Variants in TMTC1 observed in about 807,000 individuals in gnomAD.
TMTC1 encodes the protein protein O-mannosyl-transferase TMTC1.
In TMTC1, 73 loss-of-function variants were observed where a neutral mutation model predicts 104.8. The ratio of observed to expected loss-of-function variants is 0.70; its 90% CI spans 0.58 to 0.85. The LOEUF (loss-of-function observed/expected upper bound fraction) is 0.85, where lower values mean the gene tolerates loss of function less well. Among genes scored for constraint, TMTC1 ranks in the 40% least tolerant of loss-of-function variants. TMTC1 has a pLI of 0.00. For missense variants in TMTC1, 1,035 were observed against 1,096.1 expected, an observed-to-expected ratio of 0.94 and a Z score of 0.79; for synonymous variants, 434 against 428.7, an observed-to-expected ratio of 1.01 and a Z score of -0.15.
intron 5 of TMTC1, among the ~76,000 whole-genome samples, chr12:29,646,646 C>G (rs141969046): frequency 6.6e-6 from 1 of 152,120 alleles, no homozygotes; most frequent in African/African-American, 2.4e-5. Context: ...TAAATTATGA[C>G]GACGTAGTTT....
intron 5 of TMTC1, among the ~76,000 whole-genome samples, chr12:29,748,618 T>A (rs1565811351): frequency 1.3e-5 from 2 of 152,184 alleles, no homozygotes; most frequent in Admixed American, 1.3e-4. Flanking sequence ...AGTTACAACA[T>A]CTACCCTAAA....
chr12:29,619,188 T>C (rs1218468897), intron 6 of TMTC1, among the ~76,000 whole-genome samples: 1 of 152,048 alleles, frequency 6.6e-6, no homozygotes, highest in African/African-American at 2.4e-5. Context: ...GGGGGGTAAA[T>C]AAAAGAGGGG....
intron 5 of TMTC1, among the ~76,000 whole-genome samples, chr12:29,696,645 C>T (rs1008529096): frequency 6.6e-6 from 1 of 152,042 alleles, no homozygotes; most frequent in South Asian, 2.1e-4. Context: ...TATCAAGCTA[C>T]GGTTCTAATT....
intron 5 of TMTC1, among the ~76,000 whole-genome samples, chr12:29,727,620 C>T (rs12821422): frequency 0.14 from 21,048 of 152,056 alleles, 1,500 homozygotes; most frequent in Middle Eastern, 0.16. Flanking sequence ...TCGTGATCTG[C>T]CCGCCTCAGC....
chr12:29,613,513 C>T (rs1003286237), intron 6 of TMTC1, among the ~76,000 whole-genome samples: 1 of 152,122 alleles, frequency 6.6e-6, no homozygotes, highest in Non-Finnish European at 1.5e-5. Flanking sequence ...ACAAGTAATG[C>T]CACAGAATCC....
intron 1 of TMTC1, among the ~76,000 whole-genome samples, chr12:29,769,874 A>G (rs1943556358): frequency 6.6e-6 from 1 of 152,152 alleles, no homozygotes. Flanking sequence ...GGAATTTTCC[A>G]TAAAGAAGTA....
At chr12:29,728,032 G>A (rs1252632958) in intron 5 of TMTC1, among the ~76,000 whole-genome samples, 1 of 152,210 alleles carries the variant, frequency 6.6e-6, no homozygotes, top group African/African-American at 2.4e-5. Context: ...CCCAATAGCA[G>A]TAGAAACCCC....
intron 5 of TMTC1, among the ~76,000 whole-genome samples, chr12:29,719,934 T>C (rs532817330): frequency 7.2e-5 from 11 of 152,326 alleles, no homozygotes; most frequent in Non-Finnish European, 1.3e-4. Flanking sequence ...TGTGTCTAAC[T>C]AGGATATCAT....
chr12:29,767,501 T>TGGC (rs1358021640), intron 2 of TMTC1, among the ~76,000 whole-genome samples: 6 of 152,214 alleles, frequency 3.9e-5, no homozygotes, highest in Non-Finnish European at 8.8e-5. Flanking sequence ...GTGTCTCGAA[T>TGGC]GGCCCTTGCT....
chr12:29,506,828 T>G lies in TMTC1; in HGVS notation c.*18A>C, dbSNP rs773186040. ...AGAGGCACCACATTATCCTATGAGG[T>G]TGGGTCAGACGGTGGTGCTATGTTT... On this transcript the variant is annotated 3_prime_UTR_variant, in exon 18 of 18. Coordinates refer to ENST00000539277, the MANE Select transcript of TMTC1 (RefSeq NM_001193451.2). 1 of 1,613,826 alleles carries G rather than the reference T, an allele frequency of 6.2e-7. No homozygotes were observed. The highest frequency in any genetic ancestry group is 1.3e-5 in the African/African-American group (1 of 74,916).
chr12:29,668,893 A>G (rs1940395568), intron 5 of TMTC1, among the ~76,000 whole-genome samples: 1 of 152,258 alleles, frequency 6.6e-6, no homozygotes, highest in East Asian at 1.9e-4. Flanking sequence ...CCTTTTAATA[A>G]GCACGCTTTT....
chr12:29,700,414 G>A (rs1171749871), intron 5 of TMTC1, among the ~76,000 whole-genome samples: 2 of 151,754 alleles, frequency 1.3e-5, no homozygotes, highest in African/African-American at 2.4e-5. Flanking sequence ...TGTTGTCCAG[G>A]CGGGTCTCAA....
intron 5 of TMTC1, among the ~76,000 whole-genome samples, chr12:29,696,258 T>C (rs1324077432): frequency 6.6e-6 from 1 of 152,274 alleles, no homozygotes; most frequent in East Asian, 1.9e-4. Flanking sequence ...TCTAAGTCAC[T>C]GCAGTTTACA....
At chr12:29,782,694 G>C (rs977378161) in intron 1 of TMTC1, 5 of 152,044 alleles carry the variant, frequency 3.3e-5, no homozygotes, top group Non-Finnish European at 5.9e-5. Context: ...CATATTCTCG[G>C]TTCCCTTTAC....
intron 5 of TMTC1, among the ~76,000 whole-genome samples, chr12:29,712,404 T>A (rs1301905239): frequency 2.0e-5 from 3 of 152,198 alleles, no homozygotes; most frequent in Admixed American, 2.0e-4. Flanking sequence ...AACAACAGTG[T>A]TAAAGGTCCC....
At chr12:29,508,802 C>T (rs299440) in intron 17 of TMTC1, among the ~76,000 whole-genome samples, 102,057 of 151,804 alleles carry the variant, frequency 0.67, 34,836 homozygotes, top group East Asian at 0.86. Context: ...GTTCTCAAAC[C>T]CCCGACCTCA....
intron 7 of TMTC1, among the ~76,000 whole-genome samples, chr12:29,601,833 C>T (rs912622762): frequency 2.7e-5 from 4 of 150,556 alleles, no homozygotes; most frequent in African/African-American, 4.9e-5. Context: ...TATATATAAT[C>T]ATCTCTTTTT....
intron 10 of TMTC1, among the ~76,000 whole-genome samples, chr12:29,550,110 G>GA (rs1384494913): frequency 6.6e-5 from 10 of 150,928 alleles, no homozygotes; most frequent in African/African-American, 2.4e-4. Flanking sequence ...AAGCTGATAA[G>GA]AAAAAATATC....
intron 7 of TMTC1, among the ~76,000 whole-genome samples, chr12:29,594,502 G>C (rs549821296): frequency 3.3e-5 from 5 of 152,170 alleles, no homozygotes; most frequent in Non-Finnish European, 5.9e-5. Flanking sequence ...ACAAAATGGT[G>C]GTCCCAATCC....
Sources: allele counts gnomAD v4.1 joint callset (sites outside exome capture counted in the v4.1 genomes callset), GRCh38; gene constraint gnomAD v4.1.1; transcripts MANE v1.5; gene names NCBI Gene and HGNC (gene_info 2026-07-23, HGNC 2026-07-21).